Variants in SYT6 observed in about 807,000 individuals in gnomAD.
SYT6 encodes synaptotagmin 6.
Under a neutral mutation model 38.4 loss-of-function variants are expected in SYT6, and 24 were observed. The observed-to-expected ratio is 0.62, with a 90% confidence interval of 0.45 to 0.88. The LOEUF is 0.88. SYT6 is among the 40% of genes least tolerant of loss of function. SYT6 has a pLI of 0.00. For missense variants in SYT6, 611 were observed against 621.0 expected, an observed-to-expected ratio of 0.98 and a Z score of 0.17; for synonymous variants, 265 against 241.9, an observed-to-expected ratio of 1.10 and a Z score of -0.89.
Position 114,091,982 on chromosome 1 carries a change from G to T in SYT6, c.*152C>A. The T allele has an allele frequency of 6.5e-7, 1 of 1,534,304 alleles. No individual in the cohort carries two copies. The highest frequency in any genetic ancestry group is 8.7e-7 in the Non-Finnish European group (1 of 1,145,134). ...ACAAGTGCAAAGAGAACATTGCTGA[G>T]TCCCATTTGTGTTATTTGGCTGCAC... On this transcript the variant is annotated 3_prime_UTR_variant, in exon 8 of 8. Coordinates refer to ENST00000610222, the MANE Select transcript of SYT6 (RefSeq NM_001253772.2).
intron 6 of SYT6, among the ~76,000 whole-genome samples, 181 bp downstream of exon 6, chr1:114,097,546 G>A (rs997172463): frequency 6.6e-6 from 1 of 152,222 alleles, no homozygotes; most frequent in East Asian, 1.9e-4. Flanking sequence ...GGGGCTTTGT[G>A]TTGGCAGCCT....
At chr1:114,129,551 CT>C (rs971532649) in intron 3 of SYT6, among the ~76,000 whole-genome samples, 27 of 141,034 alleles carry the variant, frequency 1.9e-4, no homozygotes, top group African/African-American at 5.7e-4. Flanking sequence ...TTTTTTCTGT[CT>C]TTTTTTCTTT....
intron 3 of SYT6, among the ~76,000 whole-genome samples, chr1:114,133,005 C>A (rs1192469380): frequency 2.6e-5 from 4 of 152,164 alleles, no homozygotes; most frequent in African/African-American, 9.7e-5. Context: ...TGCTCATTTC[C>A]AAGCCAGAGG....
At chr1:114,133,527 T>C (rs573383540) in intron 3 of SYT6, among the ~76,000 whole-genome samples, 111 of 152,318 alleles carry the variant, frequency 7.3e-4, no homozygotes, top group Middle Eastern at 3.4e-3. Flanking sequence ...ATTGAAGCTC[T>C]GGTTGGAGAG....
intron 4 of SYT6, among the ~76,000 whole-genome samples, chr1:114,102,128 G>A (rs983281701): frequency 6.6e-6 from 1 of 152,208 alleles, no homozygotes; most frequent in Non-Finnish European, 1.5e-5. Flanking sequence ...CACCAGAGAA[G>A]ATAGTGTGGG....
intron 3 of SYT6, among the ~76,000 whole-genome samples, chr1:114,121,063 C>A (rs1376605133): frequency 6.6e-6 from 1 of 152,228 alleles, no homozygotes; most frequent in African/African-American, 2.4e-5. Flanking sequence ...TCTCCATAGC[C>A]ACCAAGGCCC....
intron 2 of SYT6, among the ~76,000 whole-genome samples, chr1:114,138,887 A>T (rs543149503): frequency 1.3e-5 from 2 of 152,328 alleles, no homozygotes; most frequent in South Asian, 2.1e-4. Flanking sequence ...CAGCATGTTC[A>T]TTCCTGGCCT....
chr1:114,117,063 T>C (rs1361805890), intron 3 of SYT6, among the ~76,000 whole-genome samples: 3 of 152,316 alleles, frequency 2.0e-5, no homozygotes. Flanking sequence ...ACAGGAGTTT[T>C]AGTATAAACA....
In SYT6 at chr1:114,089,445, G is replaced by A. The variant is rs1190277437; in HGVS notation, c.*2689C>T. Reference sequence around the variant, plus strand: ...CAGAGGGGGAGGAGGGCGTCTTTCAGCCCGGAAACACTGCTAAATAAAGGA... The same window carrying A: ...CAGAGGGGGAGGAGGGCGTCTTTCAACCCGGAAACACTGCTAAATAAAGGA... On this transcript the variant is annotated 3_prime_UTR_variant, in exon 8 of 8. Transcript: ENST00000610222. 6.6e-6 allele frequency: 1 copy of A among 152,646 alleles called. No individual in the cohort carries two copies. The highest frequency in any genetic ancestry group is 2.4e-5 in the African/African-American group (1 of 41,432). 9.5% of individuals were successfully genotyped at this position (152,646 alleles called of 1,614,324 possible). A position where few individuals can be genotyped will look rare whatever the true frequency, so the allele number is the denominator to read the frequency against.
At chr1:114,118,013 C>T (rs1373130074) in intron 3 of SYT6, among the ~76,000 whole-genome samples, 3 of 152,178 alleles carry the variant, frequency 2.0e-5, no homozygotes, top group Non-Finnish European at 4.4e-5. Flanking sequence ...GGCCTCTGGC[C>T]GCTAGTGGGT....
chr1:114,126,978 G>T (rs566125740), intron 3 of SYT6, among the ~76,000 whole-genome samples: 3 of 152,188 alleles, frequency 2.0e-5, no homozygotes, highest in African/African-American at 7.2e-5. Context: ...GCTTTGTAAG[G>T]CCATTTCTTC....
intron 3 of SYT6, among the ~76,000 whole-genome samples, chr1:114,124,273 C>T (rs1396758746): frequency 6.6e-6 from 1 of 152,198 alleles, no homozygotes; most frequent in African/African-American, 2.4e-5. Context: ...CTTAGGGTCC[C>T]CACTGCTCCT....
intron 6 of SYT6, 116 bp from the exon 7 acceptor site, chr1:114,093,919 C>A: frequency 1.0e-6 from 1 of 955,476 alleles, no homozygotes; most frequent in African/African-American, 1.6e-5. Context: ...TCTTATTTAA[C>A]AGACCTTCAT....
intron 3 of SYT6, among the ~76,000 whole-genome samples, chr1:114,125,512 A>G (rs1000531659): frequency 2.6e-5 from 4 of 151,162 alleles, no homozygotes; most frequent in South Asian, 2.1e-4. Flanking sequence ...CAATTCAGAC[A>G]TGAGAGGAAA....
At chr1:114,120,402 G>T (rs1418232443) in intron 3 of SYT6, among the ~76,000 whole-genome samples, 2 of 152,182 alleles carry the variant, frequency 1.3e-5, no homozygotes, top group Non-Finnish European at 2.9e-5. Context: ...CAAGTCAGTT[G>T]TGTGGCAGGT....
intron 3 of SYT6, among the ~76,000 whole-genome samples, chr1:114,136,269 AAC>A (rs1678478372): frequency 6.6e-6 from 1 of 152,186 alleles, no homozygotes; most frequent in African/African-American, 2.4e-5. Flanking sequence ...TCACAGGCTC[AAC>A]ACAGAGATAT....
intron 1 of SYT6, among the ~76,000 whole-genome samples, chr1:114,151,717 G>A (rs572855185): frequency 3.9e-5 from 6 of 152,284 alleles, no homozygotes; most frequent in Admixed American, 2.6e-4. Context: ...TGGAAAAGAC[G>A]GAAGGGAGCT....
At chr1:114,096,100 G>T (rs902864832) in intron 6 of SYT6, among the ~76,000 whole-genome samples, 1 of 152,108 alleles carries the variant, frequency 6.6e-6, no homozygotes, top group African/African-American at 2.4e-5. Context: ...AGTGGGGGAG[G>T]AGGGGTGGTG....
chr1:114,146,409 T>C (rs1679157301), intron 1 of SYT6, among the ~76,000 whole-genome samples: 1 of 152,196 alleles, frequency 6.6e-6, no homozygotes, highest in Non-Finnish European at 1.5e-5. Context: ...GCCTTCCCAC[T>C]CTGGGCTTGC....
Sources: gnomAD v4.1 joint callset for allele counts (sites outside exome capture counted in the v4.1 genomes callset) on GRCh38, gnomAD v4.1.1 for gene constraint, MANE v1.5 for transcripts, NCBI Gene and HGNC (gene_info 2026-07-23, HGNC 2026-07-21) for gene names.